SHROOM3: variants seen among roughly 807,000 people sequenced by gnomAD.
SHROOM3 encodes the protein shroom family member 3, also known as protein Shroom3.
Under a neutral mutation model 138.6 loss-of-function variants are expected in SHROOM3, and 47 were observed. The observed-to-expected ratio is 0.34, with a 90% CI of 0.27 to 0.43. The LOEUF (loss-of-function observed/expected upper bound fraction) is 0.43. Among genes scored for constraint, SHROOM3 ranks in the 20% least tolerant of loss-of-function variants. SHROOM3 has a pLI of 1.00. For missense variants in SHROOM3, 2,491 were observed against 2,596.5 expected (o/e 0.96, Z 0.88); for synonymous variants, 1,062 against 1,063.3 (o/e 1.00, Z 0.02).
chr4:76,497,815 G>A (rs11730486), intron 1 of SHROOM3, among the ~76,000 whole-genome samples: 86,736 of 151,954 alleles, frequency 0.57, 25,624 homozygotes, highest in Non-Finnish European at 0.64. Flanking sequence ...CCGAGATTGC[G>A]CCACTGCACT....
At chr4:76,744,858 TTTCAAAA>T (rs1252633001) in intron 5 of SHROOM3, among the ~76,000 whole-genome samples, 1 of 152,236 alleles carries the variant, frequency 6.6e-6, no homozygotes, top group Non-Finnish European at 1.5e-5. Context: ...TTTAGCTCTT[TTTCAAAA>T]TTCTCATTAG....
intron 6 of SHROOM3, 24 bp downstream of exon 6, chr4:76,749,114 T>G (rs747657482): frequency 6.3e-7 from 1 of 1,594,616 alleles, no homozygotes. Flanking sequence ...CTTATGATGC[T>G]CTCTGCATAT....
chr4:76,555,522 GAGTCTA>G (rs1194866912), intron 1 of SHROOM3, 81 bp from the exon 2 acceptor site: 1 of 1,590,934 alleles, frequency 6.3e-7, no homozygotes, highest in African/African-American at 1.3e-5. Flanking sequence ...GGCTCTGCAG[GAGTCTA>G]AGCTGGGCTC....
chr4:76,741,747 G>A lies in SHROOM3; in HGVS notation c.3574G>A (p.Ala1192Thr). 2 of 1,563,434 alleles carry A rather than the reference G, an allele frequency of 1.3e-6. No individual in the cohort carries two copies. Among genetic ancestry groups the A allele is most frequent in the East Asian group, 2.4e-5 (1 of 42,148 alleles). Residue 1192 changes from alanine to threonine, a missense_variant, in exon 5 of 11, where the codon GCA becomes ACA. By Grantham distance (58) the Ala-to-Thr change is moderately conservative (BLOSUM62 0). This residue lies in a region of SHROOM3 where 1,733 missense variants were observed against 1,661.6 expected (regional missense o/e 1.04). Coordinates refer to ENST00000296043, the MANE Select transcript of SHROOM3 (RefSeq NM_020859.4). This position sits in a 1 kb window ranked among gnomAD's most constrained non-coding sequence, Gnocchi z 6.2. ...ERRRGDLLSG[A>T]NGGTRGTQRG... ...GCGACGCGGGGACCTGCTTAGCGGA[G>A]CAAACGGTGGAACAAGGGGCACCCA... is the stretch of plus-strand genomic sequence containing the variant.
chr4:76,532,955 C>T (rs1461213117), intron 1 of SHROOM3, among the ~76,000 whole-genome samples: 1 of 118,356 alleles, frequency 8.4e-6, no homozygotes, highest in Admixed American at 9.7e-5. Context: ...ATAACTGTGA[C>T]AGCTGCTGAC....
chr4:76,525,581 C>A (rs975719769), intron 1 of SHROOM3, among the ~76,000 whole-genome samples: 1 of 152,156 alleles, frequency 6.6e-6, no homozygotes, highest in Non-Finnish European at 1.5e-5. Flanking sequence ...TGCTGAACAT[C>A]ATTTCATGCA....
chr4:76,499,932 C>T (rs561191896), intron 1 of SHROOM3, among the ~76,000 whole-genome samples: 38 of 152,198 alleles, frequency 2.5e-4, no homozygotes, highest in Non-Finnish European at 4.4e-4. Flanking sequence ...CTACCACTTA[C>T]GGAATTCACT....
intron 2 of SHROOM3, among the ~76,000 whole-genome samples, chr4:76,580,850 G>A (rs1734038156): frequency 6.6e-6 from 1 of 152,162 alleles, no homozygotes; most frequent in Non-Finnish European, 1.5e-5. Context: ...TTAATATCCT[G>A]CCTGATGCCT....
In SHROOM3 at chr4:76,689,322, G is replaced by C. The variant is rs944414752; in HGVS notation, c.324-20834G>C. 2.2e-5 allele frequency among the ~76,000 whole-genome samples: 3 copies of C among 139,000 alleles called. No individual in the cohort carries two copies. In the Admixed American group the frequency reaches 2.5e-4, roughly 12 times the overall value. 91.2% of individuals were successfully genotyped at this position (139,000 alleles called of 152,430 possible). ...CGGTCCTGAGCTCCCGGGCCAATCC[G>C]GGAGGCTTCCTGTGGGATTACCTGG... On this transcript the variant is annotated intron_variant, in intron 2 of 10. Coordinates refer to ENST00000296043, the MANE Select transcript of SHROOM3 (RefSeq NM_020859.4).
At chr4:76,499,487 A>G (rs1732045125) in intron 1 of SHROOM3, among the ~76,000 whole-genome samples, 1 of 152,276 alleles carries the variant, frequency 6.6e-6, no homozygotes, top group South Asian at 2.1e-4. Context: ...ACTTGTTTGA[A>G]GTAAATTTCA....
chr4:76,704,336 G>C (rs1358905544), intron 2 of SHROOM3, among the ~76,000 whole-genome samples: 1 of 152,208 alleles, frequency 6.6e-6, no homozygotes, highest in African/African-American at 2.4e-5. Flanking sequence ...ACCTGGCTGA[G>C]CTTATGTCTT....
chr4:76,632,318 T>C (rs1182013173), intron 2 of SHROOM3, among the ~76,000 whole-genome samples: 1 of 152,114 alleles, frequency 6.6e-6, no homozygotes, highest in Admixed American at 6.5e-5. Flanking sequence ...GATAGAGATA[T>C]GAAGACCAAG....
chr4:76,779,264 A>G lies in SHROOM3; in HGVS notation c.*87A>G. Reference sequence around the variant, plus strand: ...ATGTTTCAGTACAAACCACTGTTTGAACTATCTGGGTTATTGGTGTTTGTT... The same window carrying G: ...ATGTTTCAGTACAAACCACTGTTTGGACTATCTGGGTTATTGGTGTTTGTT... On this transcript the variant is annotated 3_prime_UTR_variant, in exon 11 of 11. Transcript: ENST00000296043. 2 of 1,483,628 alleles carry G rather than the reference A, an allele frequency of 1.3e-6. No homozygotes were observed. Among genetic ancestry groups the G allele is most frequent in the African/African-American group, 2.8e-5 (2 of 71,458 alleles). The allele number at this position is 1,483,628 out of a possible 1,614,324, so 91.9% of individuals were successfully genotyped here. A position where few individuals can be genotyped will look rare whatever the true frequency, so the allele number is the denominator to read the frequency against.
At position 76,461,664 on chromosome 4, in the gene SHROOM3, G is replaced by C. The variant is rs534745500; in HGVS notation, c.168+25444G>C. ...CATAGTTCTGAGACAGCAGTGTGAA[G>C]GTATGCTGTTGTCCTCATTAGGTGA... is the stretch of plus-strand genomic sequence containing the variant. On this transcript the variant is annotated intron_variant, in intron 1 of 10. Transcript: ENST00000296043. Among the ~76,000 whole-genome samples, 5 of 152,290 alleles carry C rather than the reference G, an allele frequency of 3.3e-5. No individual in the cohort carries two copies. In the East Asian group the frequency reaches 7.7e-4, roughly 23 times the overall value.
chr4:76,693,820 CTTTTTTT>C (rs71212443), intron 2 of SHROOM3, among the ~76,000 whole-genome samples: 3 of 141,618 alleles, frequency 2.1e-5, no homozygotes, highest in East Asian at 2.0e-4. Flanking sequence ...AGGCAAACTC[CTTTTTTT>C]TTTTTTTTTT....
chr4:76,604,004 C>G (rs888303889), intron 2 of SHROOM3, among the ~76,000 whole-genome samples: 2 of 151,694 alleles, frequency 1.3e-5, no homozygotes, highest in Admixed American at 6.6e-5. Flanking sequence ...CACCCCATCT[C>G]TTAGTAGAGA....
chr4:76,760,397 C>A (rs555633149), intron 9 of SHROOM3, among the ~76,000 whole-genome samples: 1 of 152,272 alleles, frequency 6.6e-6, no homozygotes, highest in Admixed American at 6.5e-5. Context: ...CTCTATAGCA[C>A]CAGAGGGGCT....
At chr4:76,562,303 G>A (rs1056443359) in intron 2 of SHROOM3, among the ~76,000 whole-genome samples, 3 of 152,106 alleles carry the variant, frequency 2.0e-5, no homozygotes, top group East Asian at 1.9e-4. Context: ...CGAATTCACC[G>A]TCCCATGTTT....
At chr4:76,502,832 T>C (rs1017562126) in intron 1 of SHROOM3, among the ~76,000 whole-genome samples, 1 of 152,216 alleles carries the variant, frequency 6.6e-6, no homozygotes, top group Non-Finnish European at 1.5e-5. Flanking sequence ...GAGATTAGAG[T>C]CCTGATACGT....
Sources: allele counts gnomAD v4.1 joint callset (sites outside exome capture counted in the v4.1 genomes callset), GRCh38; gene constraint gnomAD v4.1.1; regional missense constraint gnomAD v4.1.1; non-coding constraint Gnocchi (gnomAD v3.1); transcripts MANE v1.5; gene names NCBI Gene and HGNC (gene_info 2026-07-23, HGNC 2026-07-21).